The following VWA5A variants were observed in gnomAD, a reference collection of about 807,000 sequenced individuals.
VWA5A encodes von Willebrand factor A domain containing 5A, also known as von Willebrand factor A domain-containing protein 5A.
A neutral mutation model predicts 84.6 loss-of-function variants in VWA5A; 77 were observed. That is an observed-to-expected ratio of 0.91 (90% CI 0.76 to 1.10). VWA5A has a LOEUF of 1.10. Ranked by LOEUF, VWA5A falls within the 50% of genes least tolerant of loss-of-function variation. The pLI is 0.00. For synonymous variants in VWA5A, 334 were observed against 350.1 expected, an observed-to-expected ratio of 0.95 and a Z score of 0.51; for missense variants, 973 against 963.0, an observed-to-expected ratio of 1.01 and a Z score of -0.14.
chr11:124,124,339 G>A lies in VWA5A; in HGVS notation c.1244+23G>A, dbSNP rs377729634. 29 of 1,611,818 alleles carry A rather than the reference G, an allele frequency of 1.8e-5. No homozygotes were observed. Among genetic ancestry groups the A allele is most frequent in the Admixed American group, 1.5e-4 (9 of 59,846 alleles). ...CAGGTAGGAAGAAAATGTGATTTCC[G>A]GGTGATTGGTGCTGAGTAGTGACAC... On this transcript the variant is annotated intron_variant, in intron 11 of 18. Coordinates refer to ENST00000456829, the MANE Select transcript of VWA5A (RefSeq NM_001130142.2).
intron 11 of VWA5A, among the ~76,000 whole-genome samples, chr11:124,129,318 A>G (rs1175255882): frequency 6.6e-6 from 1 of 152,190 alleles, no homozygotes; most frequent in African/African-American, 2.4e-5. Context: ...CTTGCCTCCC[A>G]GGGATGAAGC....
At position 124,119,062 on chromosome 11, in the gene VWA5A, G is replaced by A. The variant is rs1196346158; in HGVS notation, c.733G>A (p.Glu245Lys). ...GGTGCATACCCCCAGCGTGGTTTTG[G>A]AGATGGGGATGCCTAACATGAAGCC... ...NEVHTPSVVLEMGMPNMKPGH... is the reference protein window; with the variant it reads ...NEVHTPSVVLKMGMPNMKPGH... The change falls in exon 7 of 19, where the codon GAG becomes AAG. Residue 245 changes from glutamate (E) to lysine (K), a missense_variant. Glu to Lys is a moderately conservative substitution (Grantham distance 56). Transcript: ENST00000456829. The A allele has an allele frequency of 1.2e-6, 2 of 1,614,192 alleles. No homozygotes were observed. The highest frequency in any genetic ancestry group is 1.7e-6 in the Non-Finnish European group (2 of 1,180,036).
chr11:124,124,414 C>T, intron 11 of VWA5A, 98 bp downstream of exon 11: 1 of 1,459,372 alleles, frequency 6.9e-7, no homozygotes, highest in South Asian at 1.5e-5. Context: ...TTCAAGAGGA[C>T]CAAATGATTT....
intron 17 of VWA5A, 73 bp downstream of exon 17, chr11:124,142,645 G>T: frequency 6.3e-7 from 1 of 1,580,840 alleles, no homozygotes; most frequent in Non-Finnish European, 8.6e-7. Flanking sequence ...AGGTGATTCA[G>T]GACCTACCTG....
intron 13 of VWA5A, 135 bp downstream of exon 13, chr11:124,136,428 A>T: frequency 6.9e-7 from 1 of 1,444,782 alleles, no homozygotes; most frequent in African/African-American, 1.4e-5. Context: ...CCTTCCCATC[A>T]TTTCAGGTCT....
intron 17 of VWA5A, among the ~76,000 whole-genome samples, chr11:124,144,791 T>G (rs1416518007): frequency 6.6e-6 from 1 of 152,208 alleles, no homozygotes; most frequent in Non-Finnish European, 1.5e-5. Context: ...ACAGCTAAGT[T>G]TGAGCAAATC....
intron 11 of VWA5A, among the ~76,000 whole-genome samples, chr11:124,134,324 A>T (rs1364543037): frequency 6.6e-6 from 1 of 152,212 alleles, no homozygotes. Flanking sequence ...TCTGTCTGTC[A>T]TGCCTTCCAA....
intron 18 of VWA5A, among the ~76,000 whole-genome samples, 189 bp from the exon 19 acceptor site, chr11:124,145,677 T>G (rs927897074): frequency 6.6e-6 from 1 of 152,152 alleles, no homozygotes; most frequent in Non-Finnish European, 1.5e-5. Context: ...CCTGGCTGTT[T>G]GTTATCTCAC....
intron 12 of VWA5A, 124 bp downstream of exon 12, chr11:124,135,158 C>T (rs923359463): frequency 2.8e-6 from 2 of 712,638 alleles, no homozygotes; most frequent in Non-Finnish European, 2.3e-6. Flanking sequence ...TCCTATATCC[C>T]CAAGGCCTTA....
intron 14 of VWA5A, 50 bp downstream of exon 14, chr11:124,136,724 CCTTCCTTCCTTCCTTCCTTCCTTCAT>C: frequency 8.0e-7 from 1 of 1,257,184 alleles, no homozygotes; most frequent in Non-Finnish European, 1.1e-6. Context: ...TTCCTTCCTT[CCTTCCTTCCTTCCTTCCTTCCTTCAT>C]TCCCTCCCTC....
intron 2 of VWA5A, 48 bp from the exon 3 acceptor site, chr11:124,117,449 C>T (rs533790688): frequency 3.9e-6 from 6 of 1,555,778 alleles, no homozygotes; most frequent in Non-Finnish European, 5.3e-6. Flanking sequence ...GGTGTTTGAA[C>T]AGATAACTTC....
chr11:124,140,741 C>T (rs191316272), intron 15 of VWA5A, among the ~76,000 whole-genome samples: 82 of 152,128 alleles, frequency 5.4e-4, no homozygotes, highest in African/African-American at 1.8e-3. Flanking sequence ...CACATGTCAC[C>T]GTGCCCAGAT....
At chr11:124,145,594 G>A (rs9667893) in intron 18 of VWA5A, among the ~76,000 whole-genome samples, 81,154 of 151,974 alleles carry the variant, frequency 0.53, 21,958 homozygotes, top group East Asian at 0.74. Flanking sequence ...ACTGTGAGAA[G>A]GACAAGTGGC....
chr11:124,135,924 T>G (rs548814557), intron 12 of VWA5A, among the ~76,000 whole-genome samples: 1 of 152,330 alleles, frequency 6.6e-6, no homozygotes, highest in East Asian at 1.9e-4. Context: ...TTTTCTTTAT[T>G]TACATTTACG....
chr11:124,125,451 T>A (rs1447346018), intron 11 of VWA5A, among the ~76,000 whole-genome samples: 1 of 152,050 alleles, frequency 6.6e-6, no homozygotes, highest in Non-Finnish European at 1.5e-5. Context: ...CCCAGCTAAT[T>A]TTTTTGTATG....
At chr11:124,139,298 AC>A (rs1265727394) in intron 15 of VWA5A, among the ~76,000 whole-genome samples, 1 of 151,674 alleles carries the variant, frequency 6.6e-6, no homozygotes, top group Non-Finnish European at 1.5e-5. Flanking sequence ...ATAATTCCAT[AC>A]AAATTTACGA....
chr11:124,132,845 T>C (rs1865118165), intron 11 of VWA5A, among the ~76,000 whole-genome samples: 1 of 152,166 alleles, frequency 6.6e-6, no homozygotes, highest in African/African-American at 2.4e-5. Context: ...AGATGCTTGA[T>C]AGTTGATTTT....
chr11:124,118,882 C>T (rs912295453), intron 6 of VWA5A, 93 bp from the exon 7 acceptor site: 1 of 1,373,376 alleles, frequency 7.3e-7, no homozygotes, highest in East Asian at 2.5e-5. Flanking sequence ...CCTAGTCATG[C>T]TGTCTTATGG....
chr11:124,127,960 A>T (rs1397976138), intron 11 of VWA5A, among the ~76,000 whole-genome samples: 1 of 152,010 alleles, frequency 6.6e-6, no homozygotes, highest in Non-Finnish European at 1.5e-5. Flanking sequence ...CATTTTGTAG[A>T]TTCCCTGTTC....
Sources: allele counts gnomAD v4.1 joint callset (sites outside exome capture counted in the v4.1 genomes callset), GRCh38; gene constraint gnomAD v4.1.1; transcripts MANE v1.5; gene names NCBI Gene and HGNC (gene_info 2026-07-23, HGNC 2026-07-21).